CC2D2B: variants seen among roughly 807,000 people sequenced by gnomAD.
CC2D2B encodes coiled-coil and C2 domain containing 2B.
Under a neutral mutation model 161.2 loss-of-function variants are expected in CC2D2B, and 128 were observed. That is an observed-to-expected ratio of 0.79 (90% CI 0.69 to 0.92). The LOEUF is 0.92. Ranked by LOEUF, CC2D2B falls within the 40% of genes least tolerant of loss-of-function variation. The pLI is 0.00. For synonymous variants in CC2D2B, 391 were observed against 449.8 expected (o/e 0.87, Z 1.65); for missense variants, 1,173 against 1,375.1 (o/e 0.85, Z 2.32).
At chr10:95,926,846 GTC>G (rs56807574) in intron 5 of CC2D2B, among the ~76,000 whole-genome samples, 1,478 of 112,634 alleles carry the variant, frequency 0.013, 9 homozygotes, top group Non-Finnish European at 0.017. Context: ...GTGTGTGTGT[GTC>G]TGTGTGTGTG....
At chr10:96,000,043 G>A in intron 24 of CC2D2B, 1 of 1,445,982 alleles carries the variant, frequency 6.9e-7, no homozygotes, top group Non-Finnish European at 9.2e-7. Context: ...CAGCATGTTG[G>A]GTAACATTGT....
At chr10:95,919,090 A>G (rs963683090) in intron 2 of CC2D2B, 2 of 152,104 alleles carry the variant, frequency 1.3e-5, no homozygotes, top group Non-Finnish European at 2.9e-5. Context: ...GAAAGATCAC[A>G]TATTTCTGTT....
At chr10:95,966,935 A>C (rs2076959474) in intron 14 of CC2D2B, among the ~76,000 whole-genome samples, 1 of 152,034 alleles carries the variant, frequency 6.6e-6, no homozygotes, top group Non-Finnish European at 1.5e-5. Flanking sequence ...TATGGATCCC[A>C]TCTCCCTTAA....
chr10:96,003,586 TTGTGTGTGTGTGTGTGTG>T (rs68085058), intron 24 of CC2D2B, among the ~76,000 whole-genome samples: 12 of 127,654 alleles, frequency 9.4e-5, no homozygotes, highest in African/African-American at 3.7e-4. Context: ...GCCCGGCTAA[TTGTGTGTGTGTGTGTGTG>T]TGTGTGTGTG....
chr10:96,002,599 G>A (rs1434232702), intron 24 of CC2D2B, among the ~76,000 whole-genome samples: 3 of 152,132 alleles, frequency 2.0e-5, no homozygotes, highest in Admixed American at 6.5e-5. Flanking sequence ...AATATTGCCT[G>A]CCCCGCCCTT....
At chr10:96,003,271 A>C (rs2078590163) in intron 24 of CC2D2B, among the ~76,000 whole-genome samples, 1 of 151,974 alleles carries the variant, frequency 6.6e-6, no homozygotes, top group African/African-American at 2.4e-5. Flanking sequence ...TTCATTGCTC[A>C]TGATATACAC....
At chr10:96,031,099 TA>T (rs1486771400) in intron 34 of CC2D2B, among the ~76,000 whole-genome samples, 2 of 152,204 alleles carry the variant, frequency 1.3e-5, no homozygotes, top group African/African-American at 4.8e-5. Flanking sequence ...TTTTTTCTTC[TA>T]TGTGCCAGGC....
chr10:95,923,402 T>A (rs935748214), intron 3 of CC2D2B, among the ~76,000 whole-genome samples: 2 of 152,214 alleles, frequency 1.3e-5, no homozygotes, highest in Admixed American at 6.5e-5. Flanking sequence ...TTTCCTTTTC[T>A]CTAATAGCTG....
At chr10:96,026,759 G>A (rs2079797585) in intron 33 of CC2D2B, among the ~76,000 whole-genome samples, 1 of 152,142 alleles carries the variant, frequency 6.6e-6, no homozygotes, top group South Asian at 2.1e-4. Context: ...AATGTGAATG[G>A]TGGCAGACAC....
chr10:95,963,063 C>T (rs1300741348), intron 12 of CC2D2B, among the ~76,000 whole-genome samples: 1 of 152,142 alleles, frequency 6.6e-6, no homozygotes, highest in Non-Finnish European at 1.5e-5. Context: ...TTCTTCCTGA[C>T]ATTCAACTTT....
chr10:95,958,414 C>A (rs2076651677), intron 11 of CC2D2B, among the ~76,000 whole-genome samples: 1 of 152,146 alleles, frequency 6.6e-6, no homozygotes, highest in African/African-American at 2.4e-5. Flanking sequence ...ATTGCTTGAA[C>A]CTGGGAGGCA....
intron 25 of CC2D2B, among the ~76,000 whole-genome samples, chr10:96,008,057 C>T (rs2078829818): frequency 6.6e-6 from 1 of 152,074 alleles, no homozygotes; most frequent in Non-Finnish European, 1.5e-5. Context: ...AAAGTATCCC[C>T]CTGCTCTGTT....
At chr10:95,971,684 C>T (rs1425621864) in intron 15 of CC2D2B, among the ~76,000 whole-genome samples, 2 of 152,180 alleles carry the variant, frequency 1.3e-5, no homozygotes, top group Non-Finnish European at 2.9e-5. Flanking sequence ...TTTTCATATA[C>T]AGCTTCCATT....
At chr10:95,973,584 C>T (rs554497411) in intron 16 of CC2D2B, among the ~76,000 whole-genome samples, 3 of 152,126 alleles carry the variant, frequency 2.0e-5, no homozygotes, top group East Asian at 1.9e-4. Context: ...TAGGGCCGGG[C>T]GTGGTGGCTC....
intron 9 of CC2D2B, among the ~76,000 whole-genome samples, chr10:95,944,238 C>T (rs1286770790): frequency 6.6e-6 from 1 of 152,120 alleles, no homozygotes; most frequent in Non-Finnish European, 1.5e-5. Context: ...CTACAAGGTG[C>T]TTATCATACC....
At chr10:95,932,356 A>C in intron 6 of CC2D2B, among the ~76,000 whole-genome samples, 1 of 152,168 alleles carries the variant, frequency 6.6e-6, no homozygotes, top group Non-Finnish European at 1.5e-5. Context: ...GTATCTTTTA[A>C]CTGGGGCATT....
intron 30 of CC2D2B, among the ~76,000 whole-genome samples, chr10:96,018,400 C>T (rs1456217351): frequency 6.6e-6 from 1 of 152,160 alleles, no homozygotes; most frequent in Non-Finnish European, 1.5e-5. Flanking sequence ...TTTAACTTTA[C>T]TTGGTTTTGT....
intron 21 of CC2D2B, among the ~76,000 whole-genome samples, chr10:95,991,774 G>C (rs1356007205): frequency 1.3e-5 from 2 of 152,192 alleles, no homozygotes; most frequent in African/African-American, 4.8e-5. Context: ...AAGATTTCCT[G>C]TCCTGAGACT....
At chr10:96,019,543 C>A in intron 31 of CC2D2B, 159 bp from the exon 32 acceptor site, 2 of 823,878 alleles carry the variant, frequency 2.4e-6, no homozygotes, top group Non-Finnish European at 3.9e-6. Context: ...GTCTAATGAT[C>A]ATGAAACCCT....
Sources: allele counts gnomAD v4.1 joint callset (sites outside exome capture counted in the v4.1 genomes callset), GRCh38; gene constraint gnomAD v4.1.1; transcripts MANE v1.5; gene names NCBI Gene and HGNC (gene_info 2026-07-23, HGNC 2026-07-21).